EYS: variants seen among roughly 807,000 people sequenced by gnomAD.
EYS encodes the protein EGF-like photoreceptor maintenance factor.
EYS carries 250 observed loss-of-function variants against 282.1 expected under a neutral mutation model. The ratio of observed to expected loss-of-function variants is 0.89; its 90% CI spans 0.80 to 0.98. EYS has a LOEUF of 0.98. Ranked by LOEUF, EYS falls within the 50% of genes least tolerant of loss-of-function variation. The pLI, the probability that EYS is intolerant of heterozygous loss-of-function variation, is 0.00. For synonymous variants in EYS, 1,355 were observed against 1,282.9 expected, an observed-to-expected ratio of 1.06 and a Z score of -1.20; for missense variants, 4,016 against 3,709.0, an observed-to-expected ratio of 1.08 and a Z score of -2.15.
intron 28 of EYS, among the ~76,000 whole-genome samples, chr6:64,406,309 A>C (rs1206402010): frequency 6.6e-6 from 1 of 152,202 alleles, no homozygotes; most frequent in Non-Finnish European, 1.5e-5. Context: ...ACAAAAATTA[A>C]CTCAAGATGG....
intron 12 of EYS, among the ~76,000 whole-genome samples, chr6:65,148,515 G>A (rs755723240): frequency 7.2e-5 from 11 of 152,076 alleles, no homozygotes; most frequent in African/African-American, 7.2e-5. Flanking sequence ...TCAGGGTACC[G>A]TGCCCCTCCT....
intron 2 of EYS, among the ~76,000 whole-genome samples, chr6:65,604,816 T>A: frequency 6.7e-6 from 1 of 150,150 alleles, no homozygotes; most frequent in South Asian, 2.1e-4. Context: ...ATGTTCATTG[T>A]AAAAGACCTT....
intron 34 of EYS, among the ~76,000 whole-genome samples, chr6:63,993,627 C>T (rs1038093141): frequency 6.6e-6 from 1 of 151,548 alleles, no homozygotes; most frequent in Non-Finnish European, 1.5e-5. Context: ...AAACATGTAA[C>T]TTAAAACTAC....
chr6:64,452,442 T>A (rs1326315735), intron 26 of EYS, among the ~76,000 whole-genome samples: 2 of 152,114 alleles, frequency 1.3e-5, no homozygotes, highest in African/African-American at 4.8e-5. Context: ...CCCCAGGTAA[T>A]TTACAGATTC....
At chr6:64,670,317 C>T (rs1050118100) in intron 22 of EYS, among the ~76,000 whole-genome samples, 1 of 151,954 alleles carries the variant, frequency 6.6e-6, no homozygotes, top group Non-Finnish European at 1.5e-5. Context: ...GGCCTCTCCC[C>T]TATTTCAACA....
At chr6:65,338,521 C>T (rs530812549) in intron 10 of EYS, among the ~76,000 whole-genome samples, 9 of 150,980 alleles carry the variant, frequency 6.0e-5, no homozygotes, top group African/African-American at 1.2e-4. Flanking sequence ...GAATAGGGGT[C>T]GGCAACCCTA....
chr6:64,436,298 T>C (rs1379537730), intron 27 of EYS, 33 bp from the exon 28 acceptor site: 8 of 1,177,826 alleles, frequency 6.8e-6, no homozygotes, highest in Non-Finnish European at 8.6e-6. Context: ...CCTCAAACAG[T>C]TTTTCAGCAT....
chr6:64,117,830 G>A (rs11965438), intron 31 of EYS, among the ~76,000 whole-genome samples: 7,498 of 151,964 alleles, frequency 0.049, 561 homozygotes, highest in African/African-American at 0.16. Flanking sequence ...AAACCTCTTA[G>A]AACTGACAAT....
At chr6:64,906,828 T>C (rs758310177) in intron 16 of EYS, among the ~76,000 whole-genome samples, 1 of 152,138 alleles carries the variant, frequency 6.6e-6, no homozygotes, top group East Asian at 1.9e-4. Flanking sequence ...TTTTTGCCTA[T>C]AAACTGAGAA....
chr6:64,780,075 A>G (rs1426218719), intron 22 of EYS, among the ~76,000 whole-genome samples: 1 of 152,218 alleles, frequency 6.6e-6, no homozygotes, highest in African/African-American at 2.4e-5. Flanking sequence ...CTTTTTGAAC[A>G]TAGAGACTAG....
intron 12 of EYS, among the ~76,000 whole-genome samples, chr6:65,204,483 G>A (rs1164550171): frequency 1.3e-5 from 2 of 150,400 alleles, no homozygotes; most frequent in East Asian, 3.9e-4. Flanking sequence ...GTCTTTCCCA[G>A]TGAGGAAACA....
intron 26 of EYS, among the ~76,000 whole-genome samples, chr6:64,514,794 A>G (rs1452022071): frequency 1.3e-5 from 2 of 151,832 alleles, no homozygotes; most frequent in African/African-American, 4.8e-5. Flanking sequence ...GGAGAATTTG[A>G]AATTCAAACT....
At chr6:65,693,140 C>T (rs376337908) in intron 1 of EYS, among the ~76,000 whole-genome samples, 5 of 149,664 alleles carry the variant, frequency 3.3e-5, no homozygotes, top group African/African-American at 1.2e-4. Context: ...TAGATTTCAT[C>T]GCTTCCTTCC....
At chr6:64,726,082 C>T (rs1771745552) in intron 22 of EYS, among the ~76,000 whole-genome samples, 1 of 151,534 alleles carries the variant, frequency 6.6e-6, no homozygotes, top group African/African-American at 2.4e-5. Flanking sequence ...ACTTTTGTCT[C>T]CCTCATTCTT....
intron 12 of EYS, among the ~76,000 whole-genome samples, chr6:65,225,238 CTT>C (rs1463696582): frequency 2.0e-5 from 3 of 149,586 alleles, no homozygotes; most frequent in Non-Finnish European, 4.4e-5. Flanking sequence ...AGTCTAAAAA[CTT>C]TTACAAGAAA....
At chr6:65,543,298 ACAGT>A (rs1364889261) in intron 2 of EYS, among the ~76,000 whole-genome samples, 1 of 151,498 alleles carries the variant, frequency 6.6e-6, no homozygotes, top group African/African-American at 2.4e-5. Context: ...GCCACTGCAC[ACAGT>A]CAGCTGTTTT....
At chr6:64,510,118 C>G (rs1484325479) in intron 26 of EYS, among the ~76,000 whole-genome samples, 4 of 151,904 alleles carry the variant, frequency 2.6e-5, no homozygotes, top group African/African-American at 9.7e-5. Context: ...AAGACAAACT[C>G]AAATTATTTA....
At chr6:65,101,860 A>G (rs1774902135) in intron 12 of EYS, among the ~76,000 whole-genome samples, 1 of 151,232 alleles carries the variant, frequency 6.6e-6, no homozygotes, top group African/African-American at 2.4e-5. Context: ...ACTGTATGTT[A>G]CCCTATTAGC....
chr6:64,860,763 G>A (rs1350169187), intron 19 of EYS, among the ~76,000 whole-genome samples: 1 of 152,176 alleles, frequency 6.6e-6, no homozygotes, highest in African/African-American at 2.4e-5. Context: ...CTTGTCCCAT[G>A]CCCAGGAAGA....
Sources: gnomAD v4.1 joint callset for allele counts (sites outside exome capture counted in the v4.1 genomes callset) on GRCh38, gnomAD v4.1.1 for gene constraint, MANE v1.5 for transcripts, NCBI Gene and HGNC (gene_info 2026-07-23, HGNC 2026-07-21) for gene names.